The following GRID2IP variants were observed in gnomAD, a reference collection of about 807,000 sequenced individuals.
GRID2IP encodes Grid2 interacting protein.
A neutral mutation model predicts 114.3 loss-of-function variants in GRID2IP; 78 were observed. The observed-to-expected ratio is 0.68, with a 90% CI of 0.57 to 0.82. The LOEUF (loss-of-function observed/expected upper bound fraction) is 0.82. Among genes scored for constraint, GRID2IP ranks in the 40% least tolerant of loss-of-function variants. GRID2IP has a pLI of 0.00. For missense variants in GRID2IP, 1,727 were observed against 1,678.5 expected (o/e 1.03, Z -0.51); for synonymous variants, 809 against 724.0 (o/e 1.12, Z -1.89).
chr7:6,546,528 CA>C (rs1163099870), intron 1 of GRID2IP, among the ~76,000 whole-genome samples: 2 of 148,004 alleles, frequency 1.4e-5, no homozygotes, highest in Non-Finnish European at 3.0e-5. Flanking sequence ...AAGATCACGC[CA>C]TTGCACTCCA....
chr7:6,528,358 C>A lies in GRID2IP; in HGVS notation c.585-1589G>T, dbSNP rs934411266. ...TTAACATCCTGATGGACTCTCCGGT[C>A]TGTGGCAGAGGATTCTGAGGCACAG... On this transcript the variant is annotated intron_variant, in intron 2 of 21. Transcript: ENST00000457091. The surrounding 1 kb of genome is among the most constrained non-coding windows in gnomAD (Gnocchi z 6.0). 2.6e-5 allele frequency among the ~76,000 whole-genome samples: 4 copies of A among 152,224 alleles called. No homozygotes were observed. Among genetic ancestry groups the A allele is most frequent in the African/African-American group, 9.6e-5 (4 of 41,454 alleles).
chr7:6,526,376 G>T lies in GRID2IP; in HGVS notation c.834-67C>A. ...GCCCTGGGGCGCAGAGGTTGGAGAT[G>T]TCCCGTGTCCCTCTCCCCTTAACCT... On this transcript the variant is annotated intron_variant, in intron 3 of 21. Coordinates refer to ENST00000457091, the MANE Select transcript of GRID2IP (RefSeq NM_001145118.2). This position sits in a 1 kb window ranked among gnomAD's most constrained non-coding sequence, Gnocchi z 7.6. 2 of 1,508,154 alleles carry T rather than the reference G, an allele frequency of 1.3e-6. No individual in the cohort carries two copies. The highest frequency in any genetic ancestry group is 1.2e-5 in the South Asian group (1 of 83,252). The allele number at this position is 1,508,154 out of a possible 1,614,324, so 93.4% of individuals were successfully genotyped here.
At chr7:6,513,347 C>T (rs1231571900) in intron 8 of GRID2IP, among the ~76,000 whole-genome samples, 5 of 151,016 alleles carry the variant, frequency 3.3e-5, no homozygotes, top group South Asian at 4.2e-4. Context: ...CCTAAGTAGC[C>T]GGGACTACAG....
chr7:6,535,915 A>G (rs1380135461), intron 2 of GRID2IP, among the ~76,000 whole-genome samples: 1 of 151,790 alleles, frequency 6.6e-6, no homozygotes, highest in Non-Finnish European at 1.5e-5. Context: ...TACAGGACGC[A>G]CCACCAGACT....
chr7:6,542,821 A>G (rs1197228164), intron 1 of GRID2IP, among the ~76,000 whole-genome samples: 1 of 152,192 alleles, frequency 6.6e-6, no homozygotes, highest in Non-Finnish European at 1.5e-5. Context: ...CATGTCATAC[A>G]GTTTAGCCAC....
At chr7:6,504,267 G>C (rs1392084922) in intron 15 of GRID2IP, among the ~76,000 whole-genome samples, 2 of 150,990 alleles carry the variant, frequency 1.3e-5, no homozygotes, top group Non-Finnish European at 1.5e-5. Flanking sequence ...TGCTGGTTGA[G>C]TTCGAGCGGG....
rs1166780870 is a variant in GRID2IP, at chr7:6,503,536, G to A, written c.2862C>T (p.Arg954=). Reference sequence around the variant, plus strand: ...GCTCGCTGAGGCGGCCGGGCGCCTCGCGGAAGGCCTGGTAGCGCTGCTCCT... The same window carrying A: ...GCTCGCTGAGGCGGCCGGGCGCCTCACGGAAGGCCTGGTAGCGCTGCTCCT... ...ADEEQRYQAF[R]EAPGRLSEPD... is the part of the protein sequence containing the mutation. The change falls in exon 16 of 22, where the codon CGC becomes CGT. Residue 954 remains arginine (R), a synonymous_variant. Coordinates refer to ENST00000457091, the MANE Select transcript of GRID2IP (RefSeq NM_001145118.2). The A allele has an allele frequency of 1.3e-5, 20 of 1,526,854 alleles. No individual in the cohort carries two copies. The highest frequency in any genetic ancestry group is 5.9e-5 in the Admixed American group (3 of 50,472). 94.6% of individuals were successfully genotyped at this position (1,526,854 alleles called of 1,614,324 possible). A position where few individuals can be genotyped will look rare whatever the true frequency, so the allele number is the denominator to read the frequency against.
chr7:6,500,050 T>A lies in GRID2IP; in HGVS notation c.3399+1731A>T, dbSNP rs138227073. Reference sequence around the variant, plus strand: ...CTGGCCCAGAGGCTACCCTTGAATGTGACCATCCATCTTCTCTCTGGGGAC... The same window carrying A: ...CTGGCCCAGAGGCTACCCTTGAATGAGACCATCCATCTTCTCTCTGGGGAC... On this transcript the variant is annotated intron_variant, in intron 20 of 21. Coordinates refer to ENST00000457091, the MANE Select transcript of GRID2IP (RefSeq NM_001145118.2). Among the ~76,000 whole-genome samples the A allele has an allele frequency of 9.1e-3, 1,390 of 152,036 alleles. 20 individuals are homozygous for A. The highest frequency in any genetic ancestry group is 0.031 in the African/African-American group (1,304 of 41,476).
At position 6,519,463 on chromosome 7, in the gene GRID2IP, CA is replaced by C. The variant is rs1452145961; in HGVS notation, c.1268+1114del. ...AGACCTCCCCATCTTTTTTAAAAAACAAAACCAAACCAGGCCAGGTGCGGTG... is the reference window on the plus strand; with the variant it reads ...AGACCTCCCCATCTTTTTTAAAAAACAAACCAAACCAGGCCAGGTGCGGTG... On this transcript the variant is annotated intron_variant, in intron 7 of 21. Transcript: ENST00000457091. The surrounding 1 kb of genome is among the most constrained non-coding windows in gnomAD (Gnocchi z 4.1). Among the ~76,000 whole-genome samples, 4 of 151,916 alleles carry C rather than the reference CA, an allele frequency of 2.6e-5. No individual in the cohort carries two copies. Among genetic ancestry groups the C allele is most frequent in the Non-Finnish European group, 4.4e-5 (3 of 67,960 alleles).
In GRID2IP at chr7:6,506,037, G is replaced by C. The variant is rs373567123; in HGVS notation, c.2545-130C>G. 27 of 644,698 alleles carry C rather than the reference G, an allele frequency of 4.2e-5. No individual in the cohort carries two copies. In the South Asian group the frequency reaches 4.5e-4, roughly 11 times the overall value. 39.9% of individuals were successfully genotyped at this position (644,698 alleles called of 1,614,324 possible). Reference sequence around the variant, plus strand: ...AGCACCCATCAGGTGCTGGGATAAAGCCCGGAGCAGGAGGAGACTGCAGGA... The same window carrying C: ...AGCACCCATCAGGTGCTGGGATAAACCCCGGAGCAGGAGGAGACTGCAGGA... On this transcript the variant is annotated intron_variant, in intron 13 of 21. Transcript: ENST00000457091. The surrounding 1 kb of genome is among the most constrained non-coding windows in gnomAD (Gnocchi z 5.2).
chr7:6,538,613 C>T (rs1266792490), intron 2 of GRID2IP, among the ~76,000 whole-genome samples: 1 of 151,902 alleles, frequency 6.6e-6, no homozygotes, highest in East Asian at 1.9e-4. Context: ...TACAGTGGCT[C>T]ACGTCTGTAA....
chr7:6,526,282 C>G lies in GRID2IP; in HGVS notation c.861G>C (p.Lys287Asn). 4 of 1,552,010 alleles carry G rather than the reference C, an allele frequency of 2.6e-6. No homozygotes were observed. The highest frequency in any genetic ancestry group is 2.6e-6 in the Non-Finnish European group (3 of 1,147,052). ...GGCCGCGAAGTGTGAAGCCGAAGCT[C>G]TTGTTGCCTTTGTAGACTCGGACAG... Reference protein sequence around the residue: ...RRTVRVYKGNKSFGFTLRGHG... With the variant: ...RRTVRVYKGNNSFGFTLRGHG... The change falls in exon 4 of 22, where the codon AAG becomes AAC. Residue 287 changes from lysine to asparagine, a missense_variant. Lys to Asn is a moderately conservative substitution (Grantham distance 94). Transcript: ENST00000457091. The surrounding 1 kb of genome is among the most constrained non-coding windows in gnomAD (Gnocchi z 7.6).
chr7:6,529,961 C>CTCTCTCTCTCT (rs755576759), intron 2 of GRID2IP, among the ~76,000 whole-genome samples: 1 of 111,838 alleles, frequency 8.9e-6, no homozygotes, highest in Non-Finnish European at 1.7e-5. Flanking sequence ...CTCTCTCTCT[C>CTCTCTCTCTCT]TTTTTTTTTT....
intron 1 of GRID2IP, 134 bp downstream of exon 1, chr7:6,550,874 T>G: frequency 9.8e-7 from 1 of 1,024,664 alleles, no homozygotes; most frequent in South Asian, 5.0e-5. Context: ...AAGTTGAGCA[T>G]TCCCATATTT....
intron 8 of GRID2IP, among the ~76,000 whole-genome samples, chr7:6,513,164 A>T (rs10232978): frequency 1.3e-5 from 2 of 151,942 alleles, no homozygotes; most frequent in African/African-American, 2.4e-5. Context: ...GCCAGGTGGG[A>T]TGTGGTCGTG....
In GRID2IP at chr7:6,501,887, G is replaced by A. The variant is rs1786425814; in HGVS notation, c.3293C>T (p.Ala1098Val). Residue 1098 changes from alanine to valine, a missense_variant, in exon 20 of 22, where the codon GCC becomes GTC. Physicochemically the swap from Ala to Val is moderately conservative, Grantham distance 64. Coordinates refer to ENST00000457091, the MANE Select transcript of GRID2IP (RefSeq NM_001145118.2). The part of the protein sequence containing the change: ...VPLAAKVNQR[A>V]LTSDLADLHG... The stretch of plus-strand genomic sequence containing the variant: ...GAGGTCAGCCAGGTCACTGGTCAGG[G>A]CCCGTTGGTTCACTGTAGGGAAGAG... 1.9e-6 allele frequency: 3 copies of A among 1,551,522 alleles called. No homozygotes were observed. The highest frequency in any genetic ancestry group is 2.6e-6 in the Non-Finnish European group (3 of 1,146,952).
intron 13 of GRID2IP, 32 bp from the exon 14 acceptor site, chr7:6,505,939 AG>A: frequency 6.9e-7 from 1 of 1,455,776 alleles, no homozygotes; most frequent in Non-Finnish European, 9.4e-7. Flanking sequence ...TCAGAGTAGG[AG>A]GAGCAGCAGC....
intron 20 of GRID2IP, 35 bp from the exon 21 acceptor site, chr7:6,498,263 C>T (rs975432143): frequency 6.6e-7 from 1 of 1,509,910 alleles, no homozygotes; most frequent in Non-Finnish European, 8.9e-7. Context: ...AGCCAGCCCG[C>T]TTGTGCCCCC....
At position 6,506,013 on chromosome 7, in the gene GRID2IP, G is replaced by A; in HGVS notation, c.2545-106C>T. The A allele has an allele frequency of 1.4e-6, 1 of 715,722 alleles. No homozygotes were observed. Among genetic ancestry groups the A allele is most frequent in the Middle Eastern group, 3.8e-4 (1 of 2,620 alleles). 44.3% of individuals were successfully genotyped at this position (715,722 alleles called of 1,614,324 possible). On this transcript the variant is annotated intron_variant, in intron 13 of 21. Coordinates refer to ENST00000457091, the MANE Select transcript of GRID2IP (RefSeq NM_001145118.2). This position sits in a 1 kb window ranked among gnomAD's most constrained non-coding sequence, Gnocchi z 5.2. ...TGCCATAGGGGCTTCCCGAGCAAAA[G>A]CACCCATCAGGTGCTGGGATAAAGC...
Sources: gnomAD v4.1 joint callset for allele counts (sites outside exome capture counted in the v4.1 genomes callset) on GRCh38, gnomAD v4.1.1 for gene constraint, Gnocchi (gnomAD v3.1) non-coding constraint, MANE v1.5 for transcripts, NCBI Gene and HGNC (gene_info 2026-07-23, HGNC 2026-07-21) for gene names.